OSBPL8: variants seen among roughly 807,000 people sequenced by gnomAD.
OSBPL8 encodes oxysterol-binding protein-related protein 8.
OSBPL8 carries 59 observed loss-of-function variants against 125.5 expected under a neutral mutation model. The ratio of observed to expected loss-of-function variants is 0.47; its 90% CI spans 0.38 to 0.58. The LOEUF is 0.58. Ranked by LOEUF, OSBPL8 falls within the 20% of genes least tolerant of loss-of-function variation. The pLI is 0.00. For missense variants in OSBPL8, 758 were observed against 1,047.8 expected (o/e 0.72, Z 3.82); for synonymous variants, 330 against 338.9 (o/e 0.97, Z 0.29).
chr12:76,453,027 A>G (rs1393128302), intron 3 of OSBPL8, among the ~76,000 whole-genome samples: 2 of 151,792 alleles, frequency 1.3e-5, no homozygotes, highest in Non-Finnish European at 1.5e-5. Flanking sequence ...GTTAGTACCC[A>G]CCACTTCACA....
At chr12:76,388,367 C>T (rs377566165) in intron 12 of OSBPL8, among the ~76,000 whole-genome samples, 6 of 152,126 alleles carry the variant, frequency 3.9e-5, no homozygotes, top group East Asian at 3.9e-4. Flanking sequence ...GCACTGCCCA[C>T]GGTAGTGTAT....
intron 2 of OSBPL8, among the ~76,000 whole-genome samples, chr12:76,482,033 C>T (rs1366161992): frequency 1.3e-5 from 2 of 152,178 alleles, no homozygotes; most frequent in Non-Finnish European, 2.9e-5. Flanking sequence ...TCCAGGAAGA[C>T]ACTCATTGAC....
chr12:76,557,801 C>A (rs74105523), intron 1 of OSBPL8, among the ~76,000 whole-genome samples: 6 of 151,964 alleles, frequency 3.9e-5, no homozygotes, highest in African/African-American at 9.7e-5. Context: ...TATAAGTACC[C>A]TGAATGTGTT....
At chr12:76,446,269 G>A (rs1872712263) in intron 4 of OSBPL8, among the ~76,000 whole-genome samples, 1 of 152,112 alleles carries the variant, frequency 6.6e-6, no homozygotes, top group Admixed American at 6.6e-5. Context: ...GAGGTTTTCT[G>A]GACATTGGTT....
In OSBPL8 at chr12:76,392,693, T is replaced by A; in HGVS notation, c.817A>T (p.Thr273Ser). The change falls in exon 10 of 24, where the codon ACA becomes TCA. Residue 273 changes from threonine to serine, a missense_variant. Around this residue, in one of 3 missense-constraint regions of OSBPL8, gnomAD observed 572 missense variants for 762.0 expected, o/e 0.75. Transcript: ENST00000261183. ...TGTTCCTTTCCTTCTCTGATCATTG[T>A]ACGTTTAAGAAGACTAGAACATTTC... The part of the protein sequence containing the change: ...ALKCSSLLKR[T>S]MIREGKEHDL... 2 of 1,614,058 alleles carry A rather than the reference T, an allele frequency of 1.2e-6. No individual in the cohort carries two copies. The highest frequency in any genetic ancestry group is 1.7e-6 in the Non-Finnish European group (2 of 1,179,926).
At chr12:76,379,509 C>T (rs944264889) in intron 15 of OSBPL8, among the ~76,000 whole-genome samples, 4 of 152,172 alleles carry the variant, frequency 2.6e-5, no homozygotes, top group African/African-American at 9.6e-5. Context: ...CCAAAAAGTT[C>T]CTCCTTGCCC....
chr12:76,510,219 T>C lies in OSBPL8; in HGVS notation c.-67-22601A>G, dbSNP rs202179606. 2.0e-5 allele frequency among the ~76,000 whole-genome samples: 3 copies of C among 152,330 alleles called. No individual in the cohort carries two copies. In the East Asian group the frequency reaches 5.8e-4, roughly 29 times the overall value. ...TATGAAAAACTTAAAACAGAGGTAT[T>C]GTTTTAGACAGATATATATGTATAT... On this transcript the variant is annotated intron_variant, in intron 1 of 23. Transcript: ENST00000261183.
At chr12:76,398,006 TTAAA>T in intron 7 of OSBPL8, 109 bp from the exon 8 acceptor site, 2 of 863,264 alleles carry the variant, frequency 2.3e-6, no homozygotes, top group Non-Finnish European at 3.6e-6. Flanking sequence ...CACGTACACT[TTAAA>T]TATTTTATTT....
chr12:76,373,407 AAC>A lies in OSBPL8; in HGVS notation c.1852_1853del (p.Val618Ter). On this transcript the variant is annotated frameshift_variant, in exon 18 of 24. Transcript: ENST00000261183. LOFTEE classifies it high-confidence loss of function. ...GTTTAAGTTTCCCTGATATTTGATT[AAC>A]ACAGTCACTACTCCCTAGGAATGGC... ...LKPFLGSSDC[V>X]NQISGKLKLG... 4 of 1,609,342 alleles carry A rather than the reference AAC, an allele frequency of 2.5e-6. No homozygotes were observed. Among genetic ancestry groups the A allele is most frequent in the Non-Finnish European group, 3.4e-6 (4 of 1,176,746 alleles).
At chr12:76,541,296 C>T (rs921084734) in intron 1 of OSBPL8, among the ~76,000 whole-genome samples, 5 of 151,814 alleles carry the variant, frequency 3.3e-5, no homozygotes, top group African/African-American at 1.2e-4. Context: ...CTGGCCAATA[C>T]TGTGAACCCC....
chr12:76,522,669 CAG>C (rs150743201), intron 1 of OSBPL8, among the ~76,000 whole-genome samples: 2,817 of 152,224 alleles, frequency 0.019, 67 homozygotes, highest in African/African-American at 0.06. Context: ...AGAAGCTGAG[CAG>C]ATGTCAATGC....
chr12:76,551,305 T>C (rs552513674), intron 1 of OSBPL8, among the ~76,000 whole-genome samples: 1 of 152,226 alleles, frequency 6.6e-6, no homozygotes, highest in Non-Finnish European at 1.5e-5. Context: ...AAAGCAGTAG[T>C]TCTCTACTGA....
At chr12:76,403,304 A>T (rs1954127280) in intron 5 of OSBPL8, among the ~76,000 whole-genome samples, 1 of 152,220 alleles carries the variant, frequency 6.6e-6, no homozygotes, top group Non-Finnish European at 1.5e-5. Context: ...CTATCGAGTG[A>T]GTAGGATTTC....
rs182102654 is a variant in OSBPL8, at chr12:76,528,173, T to C, written c.-68+31224A>G. On this transcript the variant is annotated intron_variant, in intron 1 of 23. Transcript: ENST00000261183. Reference sequence around the variant, plus strand: ...CTGTTTCTACTAAAAATACAAAAATTAGCTGGGCATGGTGGCACATGCCTG... The same window carrying C: ...CTGTTTCTACTAAAAATACAAAAATCAGCTGGGCATGGTGGCACATGCCTG... 2.6e-5 allele frequency among the ~76,000 whole-genome samples: 4 copies of C among 151,892 alleles called. No homozygotes were observed. The East Asian group carries it at 7.8e-4, about 30-fold the overall frequency.
intron 6 of OSBPL8, among the ~76,000 whole-genome samples, chr12:76,400,627 T>C (rs1954013577): frequency 6.6e-6 from 1 of 152,064 alleles, no homozygotes; most frequent in Admixed American, 6.6e-5. Context: ...TTTCATACTA[T>C]AATGGTGGAG....
At chr12:76,417,431 T>C (rs1416902023) in intron 4 of OSBPL8, among the ~76,000 whole-genome samples, 3 of 152,242 alleles carry the variant, frequency 2.0e-5, no homozygotes, top group African/African-American at 7.2e-5. Flanking sequence ...AGTTCAATTA[T>C]AGCCATTATA....
At chr12:76,499,995 A>T (rs1316969908) in intron 1 of OSBPL8, among the ~76,000 whole-genome samples, 1 of 152,154 alleles carries the variant, frequency 6.6e-6, no homozygotes, top group East Asian at 1.9e-4. Flanking sequence ...AGATTTCTTA[A>T]GAGTGTTCAA....
intron 4 of OSBPL8, among the ~76,000 whole-genome samples, chr12:76,427,274 T>C (rs1354609219): frequency 2.0e-5 from 3 of 152,112 alleles, no homozygotes; most frequent in Admixed American, 2.0e-4. Flanking sequence ...TGTTCAATTA[T>C]TCTCTACAAC....
At chr12:76,525,964 G>A (rs1285157497) in intron 1 of OSBPL8, among the ~76,000 whole-genome samples, 1 of 152,212 alleles carries the variant, frequency 6.6e-6, no homozygotes, top group Non-Finnish European at 1.5e-5. Flanking sequence ...CTACAAGGGA[G>A]CACAGGAGAG....
Sources: gnomAD v4.1 joint callset for allele counts (sites outside exome capture counted in the v4.1 genomes callset) on GRCh38, gnomAD v4.1.1 for gene constraint, gnomAD v4.1.1 regional missense constraint, MANE v1.5 for transcripts, NCBI Gene and HGNC (gene_info 2026-07-23, HGNC 2026-07-21) for gene names.